EMCN: variants seen among roughly 807,000 people sequenced by gnomAD.
The protein encoded by EMCN is endomucin, also known as MUC-14.
In EMCN, 37 loss-of-function variants were observed where a neutral mutation model predicts 38.4. That is an observed-to-expected ratio of 0.96 (90% CI 0.74 to 1.27). The LOEUF is 1.27. Among genes scored for constraint, EMCN ranks in the 50% most tolerant of loss-of-function variants. EMCN has a pLI of 0.00. For synonymous variants in EMCN, 95 were observed against 100.8 expected, an observed-to-expected ratio of 0.94 and a Z score of 0.35; for missense variants, 318 against 302.8, an observed-to-expected ratio of 1.05 and a Z score of -0.37.
chr4:100,398,664 A>G (rs1726175360), intron 11 of EMCN, among the ~76,000 whole-genome samples: 1 of 151,968 alleles, frequency 6.6e-6, no homozygotes, highest in African/African-American at 2.4e-5. Context: ...GAGTGTGGGT[A>G]TTGTCTATAG....
intron 5 of EMCN, among the ~76,000 whole-genome samples, chr4:100,433,426 T>G (rs1249431590): frequency 6.6e-6 from 1 of 152,202 alleles, no homozygotes; most frequent in Non-Finnish European, 1.5e-5. Flanking sequence ...TATCCTTATG[T>G]GGTGGTAATT....
chr4:100,413,140 A>C (rs1000052444), intron 10 of EMCN, among the ~76,000 whole-genome samples: 1 of 152,218 alleles, frequency 6.6e-6, no homozygotes, highest in African/African-American at 2.4e-5. Flanking sequence ...ACTGAAGCTC[A>C]AATTTCATTG....
At chr4:100,433,059 A>G (rs1339731635) in intron 5 of EMCN, among the ~76,000 whole-genome samples, 2 of 152,162 alleles carry the variant, frequency 1.3e-5, no homozygotes, top group Non-Finnish European at 2.9e-5. Flanking sequence ...TATGTTGTAC[A>G]ATAGACTCCT....
chr4:100,415,059 C>A (rs1187025632), intron 10 of EMCN, among the ~76,000 whole-genome samples: 1 of 152,116 alleles, frequency 6.6e-6, no homozygotes, highest in Non-Finnish European at 1.5e-5. Flanking sequence ...CCATGCCCAG[C>A]TAATTTTTGT....
chr4:100,429,193 G>C (rs969598999), intron 5 of EMCN, among the ~76,000 whole-genome samples: 4 of 152,072 alleles, frequency 2.6e-5, no homozygotes, highest in Non-Finnish European at 5.9e-5. Flanking sequence ...TGACACTCAG[G>C]GAAAGGAGAA....
chr4:100,512,730 C>T (rs1020960036), intron 1 of EMCN, among the ~76,000 whole-genome samples: 5 of 150,886 alleles, frequency 3.3e-5, no homozygotes, highest in South Asian at 2.1e-4. Context: ...CGCTTGAACC[C>T]GGGATGCGGA....
intron 4 of EMCN, among the ~76,000 whole-genome samples, chr4:100,451,740 A>G (rs1727844553): frequency 6.6e-6 from 1 of 151,970 alleles, no homozygotes; most frequent in Non-Finnish European, 1.5e-5. Flanking sequence ...AGTGTTTCTG[A>G]ACTTGTTTCC....
chr4:100,489,748 G>A (rs1187651092), intron 1 of EMCN, among the ~76,000 whole-genome samples: 1 of 152,072 alleles, frequency 6.6e-6, no homozygotes, highest in Non-Finnish European at 1.5e-5. Flanking sequence ...TCAACCAAAT[G>A]CGGTATTTCT....
intron 11 of EMCN, among the ~76,000 whole-genome samples, chr4:100,406,966 T>G (rs1411567688): frequency 1.3e-5 from 2 of 152,102 alleles, no homozygotes; most frequent in Non-Finnish European, 2.9e-5. Context: ...TTGAACCCTT[T>G]ATCACTTCCT....
At chr4:100,434,988 C>A (rs908866601) in intron 5 of EMCN, among the ~76,000 whole-genome samples, 1 of 152,094 alleles carries the variant, frequency 6.6e-6, no homozygotes, top group African/African-American at 2.4e-5. Flanking sequence ...CCCTCTTTTA[C>A]CACTCCTATT....
At chr4:100,473,017 A>AT (rs1338854735) in intron 3 of EMCN, among the ~76,000 whole-genome samples, 46 of 58,774 alleles carry the variant, frequency 7.8e-4, no homozygotes, top group Non-Finnish European at 2.0e-3. Flanking sequence ...TATTATATAT[A>AT]TATATTTTTT....
chr4:100,435,698 G>C (rs1320640384), intron 5 of EMCN, among the ~76,000 whole-genome samples: 4 of 152,098 alleles, frequency 2.6e-5, no homozygotes, highest in African/African-American at 9.7e-5. Flanking sequence ...CAATGGAACA[G>C]AATAGAGAAC....
chr4:100,471,986 A>G (rs1292202724), intron 3 of EMCN, among the ~76,000 whole-genome samples: 1 of 152,050 alleles, frequency 6.6e-6, no homozygotes, highest in Non-Finnish European at 1.5e-5. Flanking sequence ...CTTACTGGTG[A>G]AAAACTGACA....
chr4:100,429,557 A>G (rs1727143044), intron 5 of EMCN, among the ~76,000 whole-genome samples: 1 of 152,074 alleles, frequency 6.6e-6, no homozygotes, highest in Non-Finnish European at 1.5e-5. Context: ...AAAAAGCCTT[A>G]CCTTAAATTT....
intron 4 of EMCN, among the ~76,000 whole-genome samples, chr4:100,451,508 A>T (rs940160525): frequency 6.6e-6 from 1 of 151,958 alleles, no homozygotes; most frequent in African/African-American, 2.4e-5. Flanking sequence ...GTTTAAATTT[A>T]TTCATTCAGT....
chr4:100,417,244 G>A (rs1187142877), intron 8 of EMCN, 103 bp from the exon 9 acceptor site: 6 of 986,658 alleles, frequency 6.1e-6, no homozygotes, highest in Non-Finnish European at 9.6e-6. Flanking sequence ...TCTTTTCTAT[G>A]CAGAGATGTT....
chr4:100,425,149 GCACACACA>G lies in EMCN; in HGVS notation c.416-1753_416-1746del, dbSNP rs57293882. ...AGTTAAGAAATTATTTCTGAATCCA[GCACACACA>G]CACACACACACACACACACACACAC... On this transcript the variant is annotated intron_variant, in intron 5 of 11. Transcript: ENST00000296420. Among the ~76,000 whole-genome samples the G allele has an allele frequency of 7.1e-5, 10 of 141,236 alleles. No homozygotes were observed. The East Asian group carries it at 1.1e-3, about 15-fold the overall frequency. 92.7% of individuals were successfully genotyped at this position (141,236 alleles called of 152,430 possible).
intron 11 of EMCN, among the ~76,000 whole-genome samples, chr4:100,408,559 A>G (rs913366078): frequency 2.0e-5 from 3 of 152,104 alleles, no homozygotes; most frequent in Admixed American, 6.6e-5. Context: ...TGACTGGTAG[A>G]TAGGCTCTTA....
chr4:100,496,844 C>T (rs765223945), intron 1 of EMCN, among the ~76,000 whole-genome samples: 1 of 152,092 alleles, frequency 6.6e-6, no homozygotes, highest in African/African-American at 2.4e-5. Flanking sequence ...AGAAGTTGTA[C>T]CCTATTACAC....
Sources: gnomAD v4.1 joint callset for allele counts (sites outside exome capture counted in the v4.1 genomes callset) on GRCh38, gnomAD v4.1.1 for gene constraint, MANE v1.5 for transcripts, NCBI Gene and HGNC (gene_info 2026-07-23, HGNC 2026-07-21) for gene names.